The following XAB2 variants were observed in gnomAD, a reference collection of about 807,000 sequenced individuals.
XAB2 encodes the protein XPA binding protein 2.
XAB2 carries 57 observed loss-of-function variants against 113.4 expected under a neutral mutation model. The ratio of observed to expected loss-of-function variants is 0.50; its 90% CI spans 0.41 to 0.63. XAB2 has a LOEUF of 0.63. Ranked by LOEUF, XAB2 falls within the 20% of genes least tolerant of loss-of-function variation. The pLI is 0.00. For synonymous variants in XAB2, 497 were observed against 498.8 expected (o/e 1.00, Z 0.05); for missense variants, 1,037 against 1,233.3 (o/e 0.84, Z 2.38).
At chr19:7,622,296 CAT>C (rs1476979710) in intron 12 of XAB2, 33 bp downstream of exon 12, 18 of 1,604,112 alleles carry the variant, frequency 1.1e-5, no homozygotes, top group Non-Finnish European at 1.5e-5. Context: ...GGGACACTGC[CAT>C]CAGGGGCCTC....
chr19:7,619,581 A>T lies in XAB2; in HGVS notation c.*5T>A. On this transcript the variant is annotated 3_prime_UTR_variant, in exon 19 of 19. Transcript: ENST00000358368. ...GGTGGGGAGGGGGGATGGGGGAGGG[A>T]CGGGTCAGTCTTCCTTCAGGCTCCC... 1 of 1,561,008 alleles carries T rather than the reference A, an allele frequency of 6.4e-7. No individual in the cohort carries two copies. The highest frequency in any genetic ancestry group is 8.7e-7 in the Non-Finnish European group (1 of 1,150,416).
chr19:7,619,626 C>T lies in XAB2; in HGVS notation c.2528G>A (p.Ser843Asn). The change falls in exon 19 of 19, where the codon AGC becomes AAC. Residue 843 changes from serine (S) to asparagine (N), a missense_variant. Transcript: ENST00000358368. ...EPNEVRLEQQ[S>N]VPAAVFGSLK... ...GCTCCCAAACACTGCGGCTGGCACG[C>T]TCTGCTGCTCCAGCCGAACCTCTGT... is the stretch of plus-strand genomic sequence containing the variant. 9.4e-6 allele frequency: 15 copies of T among 1,603,556 alleles called. No individual in the cohort carries two copies. Among genetic ancestry groups the T allele is most frequent in the Non-Finnish European group, 1.3e-5 (15 of 1,174,654 alleles).
At chr19:7,621,406 G>T in intron 12 of XAB2, 109 bp from the exon 13 acceptor site, 1 of 1,297,476 alleles carries the variant, frequency 7.7e-7, no homozygotes, top group Non-Finnish European at 1.1e-6. Flanking sequence ...ACTCCCTTGG[G>T]GCCCTTCCCT....
rs762306239 is a variant in XAB2, at chr19:7,619,994, G to T, written c.2348C>A (p.Ala783Glu). Reference sequence around the variant, plus strand: ...GGCGCGCAAGGGCTGGTCACGCTCCGCCTCAGCCGCCAGCTGCTCTGCCCG... The same window carrying T: ...GGCGCGCAAGGGCTGGTCACGCTCCTCCTCAGCCGCCAGCTGCTCTGCCCG... ...EQRAEQLAAEAERDQPLRAQS... is the reference protein window; with the variant it reads ...EQRAEQLAAEEERDQPLRAQS... The change falls in exon 17 of 19, where the codon GCG (alanine) becomes GAG (glutamate). Residue 783 changes from alanine to glutamate, a missense_variant. By Grantham distance (107) the Ala-to-Glu change is moderately radical (BLOSUM62 -1). Coordinates refer to ENST00000358368, the MANE Select transcript of XAB2 (RefSeq NM_020196.3). The T allele has an allele frequency of 6.2e-7, 1 of 1,612,242 alleles. No individual in the cohort carries two copies. Among genetic ancestry groups the T allele is most frequent in the Non-Finnish European group, 8.5e-7 (1 of 1,179,958 alleles).
Position 7,620,884 on chromosome 19 carries a change from C to T in XAB2, c.1933G>A (p.Val645Ile). Residue 645 changes from valine to isoleucine, a missense_variant, in exon 14 of 19, where the codon GTC becomes ATC. By Grantham distance (29) the Val-to-Ile change is conservative. Coordinates refer to ENST00000358368, the MANE Select transcript of XAB2 (RefSeq NM_020196.3). ...TGGTAGATGCCGCGGGTGTGGGTGA[C>T]CCCATAGATCTCGGCCGCCCGCTTG... ...YIKRAAEIYG[V>I]THTRGIYQKA... The T allele has an allele frequency of 6.2e-7, 1 of 1,600,376 alleles. No individual in the cohort carries two copies. Among genetic ancestry groups the T allele is most frequent in the Non-Finnish European group, 8.5e-7 (1 of 1,173,780 alleles).
rs752904390 is a variant in XAB2, at chr19:7,619,979, G to A, written c.2363C>T (p.Pro788Leu). 2.5e-6 allele frequency: 4 copies of A among 1,612,158 alleles called. No homozygotes were observed. Among genetic ancestry groups the A allele is most frequent in the Admixed American group, 1.7e-5 (1 of 60,018 alleles). ...CAGGATCTTGCTCTGGGCGCGCAAG[G>A]GCTGGTCACGCTCCGCCTCAGCCGC... The part of the protein sequence containing the change: ...QLAAEAERDQ[P>L]LRAQSKILFV... The change falls in exon 17 of 19, where the codon CCC becomes CTC. Residue 788 changes from proline (P) to leucine (L), a missense_variant. Physicochemically the swap from Pro to Leu is moderately conservative, Grantham distance 98. Coordinates refer to ENST00000358368, the MANE Select transcript of XAB2 (RefSeq NM_020196.3).
intron 12 of XAB2, chr19:7,621,621 CT>C: frequency 2.6e-6 from 1 of 390,372 alleles, no homozygotes; most frequent in South Asian, 4.3e-5. Flanking sequence ...GCCGCACCCC[CT>C]GACAGAGGGG....
Position 7,621,260 on chromosome 19 carries a change from T to C in XAB2, c.1655A>G (p.Asn552Ser), listed in dbSNP as rs762162378. The C allele has an allele frequency of 2.5e-6, 4 of 1,613,052 alleles. No individual in the cohort carries two copies. The highest frequency in any genetic ancestry group is 3.3e-5 in the Admixed American group (2 of 60,022). Residue 552 changes from asparagine to serine, a missense_variant, in exon 13 of 19, where the codon AAC (asparagine) becomes AGC (serine). By Grantham distance (46) the Asn-to-Ser change is conservative (BLOSUM62 1). Transcript: ENST00000358368. ...ERGISLFKWP[N>S]VSDIWSTYLT... ...GTAGGTGCTCCAGATGTCGGACACG[T>C]TGGGCCACTTGAACAGCGAGATGCC... is the stretch of plus-strand genomic sequence containing the variant.
In XAB2 at chr19:7,623,082, G is replaced by A; in HGVS notation, c.1239+88C>T. On this transcript the variant is annotated intron_variant, in intron 9 of 18. Coordinates refer to ENST00000358368, the MANE Select transcript of XAB2 (RefSeq NM_020196.3). This position sits in a 1 kb window ranked among gnomAD's most constrained non-coding sequence, Gnocchi z 4.6. Reference sequence around the variant, plus strand: ...TGCACACACACGTGCACACATCCATGCACAAATATGTACACACACATACAT... The same window carrying A: ...TGCACACACACGTGCACACATCCATACACAAATATGTACACACACATACAT... 1.3e-6 allele frequency: 2 copies of A among 1,579,350 alleles called. No homozygotes were observed. The highest frequency in any genetic ancestry group is 2.3e-5 in the East Asian group (1 of 44,368).
In XAB2 at chr19:7,622,574, A is replaced by G; in HGVS notation, c.1459T>C (p.Trp487Arg). Reference protein sequence around the residue: ...QNRVYKSLKVWSMLADLEESL... With the variant: ...QNRVYKSLKVRSMLADLEESL... ...TCCTCCAGGTCGGCGAGCATGGACC[A>G]GACCTTCAGTGACTTGTACACGCGG... The change falls in exon 11 of 19, where the codon TGG becomes CGG. Residue 487 changes from tryptophan (W) to arginine (R), a missense_variant. Transcript: ENST00000358368. 6.2e-7 allele frequency: 1 copy of G among 1,613,560 alleles called. No homozygotes were observed. Among genetic ancestry groups the G allele is most frequent in the East Asian group, 2.2e-5 (1 of 44,880 alleles).
In XAB2 at chr19:7,619,836, T is replaced by A; in HGVS notation, c.2417A>T (p.Glu806Val). The A allele has an allele frequency of 6.2e-7, 1 of 1,612,722 alleles. No individual in the cohort carries two copies. Among genetic ancestry groups the A allele is most frequent in the Non-Finnish European group, 8.5e-7 (1 of 1,179,900 alleles). Residue 806 changes from glutamate (E) to valine (V), a missense_variant, in exon 18 of 19, where the codon GAG (glutamate) becomes GTG (valine). By Grantham distance (121) the Glu-to-Val change is moderately radical. Transcript: ENST00000358368. ...LFVRSDASRE[E>V]LAELAQQVNP... ...GACCTGCTGTGCCAGCTCTGCCAGC[T>A]CCTCCCGGGAGGCGTCACTCCTAGG...
chr19:7,625,111 G>A lies in XAB2; in HGVS notation c.823-666C>T, dbSNP rs1473625144. On this transcript the variant is annotated intron_variant, in intron 6 of 18. Coordinates refer to ENST00000358368, the MANE Select transcript of XAB2 (RefSeq NM_020196.3). The surrounding 1 kb of genome is among the most constrained non-coding windows in gnomAD (Gnocchi z 5.2). ...CTTCCCTGGGTTCCTGAGCCTCCCCGCTCTCGGCTCTGGCCCCCTCTGCAC... is the reference window on the plus strand; with the variant it reads ...CTTCCCTGGGTTCCTGAGCCTCCCCACTCTCGGCTCTGGCCCCCTCTGCAC... Among the ~76,000 whole-genome samples, 1 of 152,120 alleles carries A rather than the reference G, an allele frequency of 6.6e-6. No homozygotes were observed. The highest frequency in any genetic ancestry group is 1.5e-5 in the Non-Finnish European group (1 of 68,012).
Position 7,627,495 on chromosome 19 carries a change from C to T in XAB2, c.325-55G>A. 1 of 1,569,608 alleles carries T rather than the reference C, an allele frequency of 6.4e-7. No homozygotes were observed. ...TAAGCCACGGACTCCATGGCCTGGC[C>T]ACAGACACTCGATGTCCTGTGGCTG... On this transcript the variant is annotated intron_variant, in intron 3 of 18. Transcript: ENST00000358368. This position sits in a 1 kb window ranked among gnomAD's most constrained non-coding sequence, Gnocchi z 4.5.
rs1467600531 is a variant in XAB2, at chr19:7,620,650, G to A, written c.1991C>T (p.Ala664Val). The stretch of plus-strand genomic sequence containing the variant: ...TGCAAACCGCAGGCACATCTCACGC[G>A]CGTGCTCGTCCGACAGCACCTGGAC... ...KAIEVLSDEH[A>V]REMCLRFADM... Residue 664 changes from alanine (A) to valine (V), a missense_variant, in exon 15 of 19, where the codon GCG (alanine) becomes GTG (valine). Transcript: ENST00000358368. 3.1e-6 allele frequency: 5 copies of A among 1,612,878 alleles called. No individual in the cohort carries two copies. The highest frequency in any genetic ancestry group is 2.2e-5 in the East Asian group (1 of 44,868).
In XAB2 at chr19:7,624,712, C is replaced by T. The variant is rs918198780; in HGVS notation, c.823-267G>A. Among the ~76,000 whole-genome samples the T allele has an allele frequency of 2.6e-5, 4 of 152,046 alleles. No individual in the cohort carries two copies. The highest frequency in any genetic ancestry group is 5.9e-5 in the Non-Finnish European group (4 of 68,022). The stretch of plus-strand genomic sequence containing the variant: ...CTTTGCACACAGTGACCTCAGGGCT[C>T]GACTGAGACACATGTGTGAAGCACT... On this transcript the variant is annotated intron_variant, in intron 6 of 18. Coordinates refer to ENST00000358368, the MANE Select transcript of XAB2 (RefSeq NM_020196.3). The surrounding 1 kb of genome is among the most constrained non-coding windows in gnomAD (Gnocchi z 4.2).
intron 13 of XAB2, 27 bp downstream of exon 13, chr19:7,621,108 C>A (rs765691819): frequency 5.9e-6 from 9 of 1,536,500 alleles, no homozygotes; most frequent in South Asian, 2.4e-5. Flanking sequence ...CGCCCGCCAC[C>A]CCCCCCATGC....
In XAB2 at chr19:7,620,881, T is replaced by TGAC; in HGVS notation, c.1933_1935dup (p.Val645dup). On this transcript the variant is annotated inframe_insertion, in exon 14 of 19. Coordinates refer to ENST00000358368, the MANE Select transcript of XAB2 (RefSeq NM_020196.3). ...TTCTGGTAGATGCCGCGGGTGTGGG[T>TGAC]GACCCCATAGATCTCGGCCGCCCGC... 1 of 1,598,518 alleles carries TGAC rather than the reference T, an allele frequency of 6.3e-7. No individual in the cohort carries two copies. Among genetic ancestry groups the TGAC allele is most frequent in the Non-Finnish European group, 8.5e-7 (1 of 1,172,488 alleles).
In XAB2 at chr19:7,628,131, C is replaced by T. The variant is rs772615118; in HGVS notation, c.200+19G>A. On this transcript the variant is annotated intron_variant, in intron 2 of 18. Coordinates refer to ENST00000358368, the MANE Select transcript of XAB2 (RefSeq NM_020196.3). This position sits in a 1 kb window ranked among gnomAD's most constrained non-coding sequence, Gnocchi z 4.6. ...GTGGGGTGGGGGCTGGTGGGCAGGG[C>T]AGCTGGAGCCATTCCCACCTGCAGG... is the stretch of plus-strand genomic sequence containing the variant. 5 of 1,605,734 alleles carry T rather than the reference C, an allele frequency of 3.1e-6. No homozygotes were observed. The East Asian group carries it at 1.1e-4, about 36-fold the overall frequency.
chr19:7,621,412 TC>T, intron 12 of XAB2, 115 bp from the exon 13 acceptor site: 1 of 1,218,250 alleles, frequency 8.2e-7, no homozygotes, highest in Non-Finnish European at 1.2e-6. Flanking sequence ...TTGGGGCCCT[TC>T]CCTGTCCACG....
Sources: gnomAD v4.1 joint callset for allele counts (sites outside exome capture counted in the v4.1 genomes callset) on GRCh38, gnomAD v4.1.1 for gene constraint, Gnocchi (gnomAD v3.1) non-coding constraint, MANE v1.5 for transcripts, NCBI Gene and HGNC (gene_info 2026-07-23, HGNC 2026-07-21) for gene names.